Variants in DOCK3 observed in about 807,000 individuals in gnomAD.
DOCK3 encodes the protein dedicator of cytokinesis 3.
DOCK3 carries 60 observed loss-of-function variants against 265.6 expected under a neutral mutation model. The ratio of observed to expected loss-of-function variants is 0.23; its 90% CI spans 0.18 to 0.28. The LOEUF is 0.28. DOCK3 is among the 10% of genes least tolerant of loss of function. The probability of loss-of-function intolerance (pLI) is 1.00; values close to 1 mark genes in which losing one functional copy is unlikely to be tolerated. For synonymous variants in DOCK3, 881 were observed against 938.0 expected (o/e 0.94, Z 1.11); for missense variants, 1,981 against 2,594.3 (o/e 0.76, Z 5.14).
intron 2 of DOCK3, among the ~76,000 whole-genome samples, chr3:50,831,075 A>G (rs1034036016): frequency 6.6e-6 from 1 of 152,068 alleles, no homozygotes; most frequent in Non-Finnish European, 1.5e-5. Flanking sequence ...GTCTTTTAGC[A>G]TACTAATGCA....
At chr3:50,993,753 T>C (rs185789737) in intron 5 of DOCK3, among the ~76,000 whole-genome samples, 5 of 152,352 alleles carry the variant, frequency 3.3e-5, no homozygotes, top group African/African-American at 9.6e-5. Flanking sequence ...GCTCCCTTAG[T>C]CTGTTCTAGA....
chr3:50,726,609 A>AT (rs987807094), intron 1 of DOCK3, among the ~76,000 whole-genome samples: 2 of 151,862 alleles, frequency 1.3e-5, no homozygotes, highest in South Asian at 2.1e-4. Context: ...TATTATTATT[A>AT]TTTTTTTTCT....
chr3:51,379,717 T>G, intron 51 of DOCK3: 3 of 865,744 alleles, frequency 3.5e-6, no homozygotes, highest in Non-Finnish European at 4.2e-6. Context: ...ACAGGAAGGA[T>G]CCTGCTGGGC....
intron 9 of DOCK3, among the ~76,000 whole-genome samples, chr3:51,127,145 C>T (rs554810593): frequency 2.8e-4 from 43 of 152,262 alleles, no homozygotes; most frequent in Admixed American, 1.0e-3. Flanking sequence ...AGGCCAGTCT[C>T]TCTTTTCACA....
chr3:51,315,039 G>T lies in DOCK3; in HGVS notation c.3313G>T (p.Val1105Phe). The T allele has an allele frequency of 6.2e-7, 1 of 1,612,984 alleles. No individual in the cohort carries two copies. Among genetic ancestry groups the T allele is most frequent in the Non-Finnish European group, 8.5e-7 (1 of 1,179,330 alleles). Reference protein sequence around the residue: ...MIGPFLGVTLVPQPEVRNIMI... With the variant: ...MIGPFLGVTLFPQPEVRNIMI... ...TGGTCCTTTTCTGGGTGTGACACTG[G>T]TCCCACAGCCAGAAGTACGGAATAT... is the stretch of plus-strand genomic sequence containing the variant. Residue 1105 changes from valine to phenylalanine, a missense_variant, in exon 32 of 53, where the codon GTC becomes TTC. Around this residue, in one of 4 missense-constraint regions of DOCK3, gnomAD observed 1,357 missense variants for 1,866.8 expected, o/e 0.73. Transcript: ENST00000266037.
chr3:50,902,403 GCCGGTTCTC>G (rs528615393), intron 4 of DOCK3, among the ~76,000 whole-genome samples: 26 of 152,282 alleles, frequency 1.7e-4, no homozygotes, highest in African/African-American at 6.3e-4. Flanking sequence ...CATATGGCTA[GCCGGTTCTC>G]CCAGCACCAT....
chr3:51,219,213 A>T (rs2089953955), intron 14 of DOCK3, among the ~76,000 whole-genome samples: 1 of 151,832 alleles, frequency 6.6e-6, no homozygotes, highest in Non-Finnish European at 1.5e-5. Flanking sequence ...GTTTGTCTTA[A>T]TTGTTCTTGT....
At chr3:50,923,218 C>T (rs2050591245) in intron 4 of DOCK3, among the ~76,000 whole-genome samples, 1 of 152,090 alleles carries the variant, frequency 6.6e-6, no homozygotes, top group African/African-American at 2.4e-5. Flanking sequence ...AAATTGTGCT[C>T]CTATAGACAT....
At chr3:51,089,378 A>T in intron 8 of DOCK3, 94 bp downstream of exon 8, 10 of 1,442,938 alleles carry the variant, frequency 6.9e-6, no homozygotes, top group Non-Finnish European at 9.5e-6. Flanking sequence ...GACAGACACC[A>T]CTGACTTCTT....
At chr3:50,745,768 T>TC in intron 1 of DOCK3, among the ~76,000 whole-genome samples, 1 of 152,346 alleles carries the variant, frequency 6.6e-6, no homozygotes, top group South Asian at 2.1e-4. Flanking sequence ...CTACCCAACA[T>TC]CAACTTTATT....
At position 51,089,192 on chromosome 3, in the gene DOCK3, A is replaced by C. The variant is rs1029735795; in HGVS notation, c.550-51A>C. ...CCAGCATATAGAAAGTTCTTAATAA[A>C]ATTTAGTTTCTTTCCCGGTAGAGTT... On this transcript the variant is annotated intron_variant, in intron 7 of 52. Transcript: ENST00000266037. 42 of 1,557,278 alleles carry C rather than the reference A, an allele frequency of 2.7e-5. No individual in the cohort carries two copies. The African/African-American group carries it at 5.0e-4, about 19-fold the overall frequency.
intron 5 of DOCK3, among the ~76,000 whole-genome samples, chr3:51,048,678 T>C (rs1559988167): frequency 2.6e-5 from 4 of 152,166 alleles, no homozygotes; most frequent in African/African-American, 9.7e-5. Flanking sequence ...TCATCATCAT[T>C]CCTGACTGAA....
At chr3:51,366,381 CTTCT>C (rs1261441395) in intron 49 of DOCK3, among the ~76,000 whole-genome samples, 3 of 151,732 alleles carry the variant, frequency 2.0e-5, no homozygotes, top group Non-Finnish European at 4.4e-5. Flanking sequence ...TCTCTCTTTT[CTTCT>C]TTATTAGTCT....
intron 49 of DOCK3, among the ~76,000 whole-genome samples, chr3:51,367,823 C>T (rs1335864793): frequency 6.6e-6 from 1 of 152,220 alleles, no homozygotes. Flanking sequence ...TTGGCCCCCA[C>T]TCTCTTCTGG....
intron 27 of DOCK3, among the ~76,000 whole-genome samples, 193 bp downstream of exon 27, chr3:51,280,397 C>CT (rs2081048964): frequency 6.6e-6 from 1 of 152,146 alleles, no homozygotes. Context: ...CAGCTGGACC[C>CT]TCGTAACACT....
chr3:51,360,014 A>T (rs112531720), intron 46 of DOCK3, among the ~76,000 whole-genome samples: 1,543 of 152,334 alleles, frequency 0.01, 40 homozygotes, highest in African/African-American at 0.033. Flanking sequence ...AGTTACATAC[A>T]TCAGGATTTT....
chr3:51,230,581 A>G (rs1366551729), intron 19 of DOCK3, among the ~76,000 whole-genome samples: 5 of 152,068 alleles, frequency 3.3e-5, no homozygotes, highest in African/African-American at 4.8e-5. Context: ...CAGTGGCGCA[A>G]TCTCGGCTCA....
intron 9 of DOCK3, among the ~76,000 whole-genome samples, chr3:51,144,239 A>G (rs1180469673): frequency 6.6e-6 from 1 of 152,148 alleles, no homozygotes; most frequent in Non-Finnish European, 1.5e-5. Flanking sequence ...CTTCACAACC[A>G]TTCTTTAAAG....
chr3:50,680,155 C>G (rs1338338211), intron 1 of DOCK3, among the ~76,000 whole-genome samples: 1 of 151,696 alleles, frequency 6.6e-6, no homozygotes, highest in Non-Finnish European at 1.5e-5. Context: ...TCAATTTAAA[C>G]TGGATAGTTA....
Sources: gnomAD v4.1 joint callset for allele counts (sites outside exome capture counted in the v4.1 genomes callset) on GRCh38, gnomAD v4.1.1 for gene constraint, gnomAD v4.1.1 regional missense constraint, MANE v1.5 for transcripts, NCBI Gene and HGNC (gene_info 2026-07-23, HGNC 2026-07-21) for gene names.